Variants in TRPM1 observed in about 807,000 individuals in gnomAD.
TRPM1 encodes TRPM1-203 APA Isoform, Intron 10.
Under a neutral mutation model 149.4 loss-of-function variants are expected in TRPM1, and 113 were observed. That is an observed-to-expected ratio of 0.76 (90% CI 0.65 to 0.88). TRPM1 has a LOEUF of 0.88. TRPM1 is among the 40% of genes least tolerant of loss of function. TRPM1 has a pLI of 0.00. For missense variants in TRPM1, 1,976 were observed against 2,038.7 expected (o/e 0.97, Z 0.59); for synonymous variants, 741 against 759.5 (o/e 0.98, Z 0.40).
At chr15:31,068,166 G>T in intron 4 of TRPM1, 74 bp from the exon 5 acceptor site, 1 of 1,345,220 alleles carries the variant, frequency 7.4e-7, no homozygotes, top group Non-Finnish European at 1.1e-6. Context: ...TGAGGCTATT[G>T]CTCATGTCCA....
chr15:31,118,775 G>T (rs975473414), intron 1 of TRPM1, among the ~76,000 whole-genome samples: 2 of 151,968 alleles, frequency 1.3e-5, no homozygotes, highest in Non-Finnish European at 2.9e-5. Flanking sequence ...CTGGATCTCC[G>T]GTCTTTTCTG....
At chr15:31,108,159 A>AT (rs61687897) in intron 1 of TRPM1, among the ~76,000 whole-genome samples, 1 of 151,562 alleles carries the variant, frequency 6.6e-6, no homozygotes, top group Non-Finnish European at 1.5e-5. Flanking sequence ...CGCCTGTCCA[A>AT]TTTTTTTTTC....
At chr15:31,086,144 C>T (rs2034993868) in intron 1 of TRPM1, among the ~76,000 whole-genome samples, 1 of 152,220 alleles carries the variant, frequency 6.6e-6, no homozygotes, top group South Asian at 2.1e-4. Flanking sequence ...GCTAAGGCAT[C>T]TGCTGGACCT....
chr15:31,156,407 A>C (rs1315639934), intron 1 of TRPM1, among the ~76,000 whole-genome samples: 2 of 152,088 alleles, frequency 1.3e-5, no homozygotes, highest in Non-Finnish European at 2.9e-5. Context: ...AGACCTGAAC[A>C]GGAAACATTT....
At chr15:31,059,563 G>A (rs761445880) in intron 11 of TRPM1, among the ~76,000 whole-genome samples, 1 of 152,068 alleles carries the variant, frequency 6.6e-6, no homozygotes, top group Non-Finnish European at 1.5e-5. Context: ...GCACTCCCAT[G>A]CCTGGCTAAT....
intron 3 of TRPM1, 89 bp downstream of exon 3, chr15:31,076,815 TG>T: frequency 9.5e-7 from 1 of 1,047,812 alleles, no homozygotes; most frequent in Non-Finnish European, 1.5e-6. Context: ...GCCACCCTTC[TG>T]GACTCCTCTT....
exon 1 of TRPM1, chr15:31,161,068 G>T (rs911907646): frequency 1.8e-6 from 2 of 1,139,716 alleles, no homozygotes; most frequent in African/African-American, 1.5e-5. Flanking sequence ...CACACTCGGC[G>T]GCAGCCCCAC....
chr15:31,040,226 C>T lies in TRPM1; in HGVS notation c.2208G>A (p.Leu736=), dbSNP rs2033565532. Residue 736 remains leucine (L), a synonymous_variant, in exon 18 of 28, where the codon CTG becomes CTA. Transcript: ENST00000256552. The surrounding 1 kb of genome is among the most constrained non-coding windows in gnomAD (Gnocchi z 4.2). Reference sequence around the variant, plus strand: ...AGTCCCGGTGTTTGGCTGCCACGGCCAGTTTGAGGCAGGTCGAGTTGCTCC... The same window carrying T: ...AGTCCCGGTGTTTGGCTGCCACGGCTAGTTTGAGGCAGGTCGAGTTGCTCC... ...KNWSNSTCLK[L]AVAAKHRDFI... The T allele has an allele frequency of 6.2e-7, 1 of 1,614,148 alleles. No individual in the cohort carries two copies. Among genetic ancestry groups the T allele is most frequent in the Non-Finnish European group, 8.5e-7 (1 of 1,180,028 alleles).
chr15:31,070,210 A>T lies in TRPM1; in HGVS notation c.100T>A (p.Phe34Ile), dbSNP rs1156487256. 6.2e-7 allele frequency: 1 copy of T among 1,613,714 alleles called. No individual in the cohort carries two copies. Among genetic ancestry groups the T allele is most frequent in the Non-Finnish European group, 8.5e-7 (1 of 1,179,908 alleles). ...AGAGGGGGGATATGCTGGTTGGTGA[A>T]CTGGCCACAGCAACACCTGAAAACA... ...KDSNRCCCGQ[F>I]TNQHIPPLPS... The change falls in exon 4 of 28, where the codon TTC (phenylalanine) becomes ATC (isoleucine). Residue 34 changes from phenylalanine to isoleucine, a missense_variant. By Grantham distance (21) the Phe-to-Ile change is conservative (BLOSUM62 0). This residue lies in a region of TRPM1 where 1,332 missense variants were observed against 1,347.1 expected (regional missense o/e 0.99). Coordinates refer to ENST00000256552, the MANE Select transcript of TRPM1 (RefSeq NM_001252024.2).
chr15:31,102,618 T>G (rs1385811760), upstream of TRPM1, among the ~76,000 whole-genome samples: 2 of 152,174 alleles, frequency 1.3e-5, no homozygotes, highest in African/African-American at 2.4e-5. Flanking sequence ...GTTCTGCCCA[T>G]ATGTAGAGTC....
At position 31,111,606 on chromosome 15, in the gene TRPM1, A is replaced by G. The variant is rs537507311; in HGVS notation, c.55-34622T>C. ...TGAAAACAGGATCTTTGGGGACAAA[A>G]TGATGCTCCTGAGCCCCATGTAGGC... On this transcript the variant is annotated intron_variant, in intron 1 of 26. Transcript: ENST00000542188. Among the ~76,000 whole-genome samples, 3 of 152,316 alleles carry G rather than the reference A, an allele frequency of 2.0e-5. No homozygotes were observed. The South Asian group carries it at 6.2e-4, about 32-fold the overall frequency.
chr15:31,118,332 A>G (rs1370481507), intron 1 of TRPM1, among the ~76,000 whole-genome samples: 2 of 152,124 alleles, frequency 1.3e-5, no homozygotes, highest in Non-Finnish European at 2.9e-5. Context: ...GGGAGAAGAA[A>G]GAGGGAAAGG....
At chr15:31,160,721 T>C (rs1025352928) in intron 1 of TRPM1, among the ~76,000 whole-genome samples, 1 of 152,128 alleles carries the variant, frequency 6.6e-6, no homozygotes, top group Non-Finnish European at 1.5e-5. Context: ...GCAGGAAACA[T>C]AGGGCACCTT....
chr15:31,008,798 C>T (rs1335462699), intron 27 of TRPM1, among the ~76,000 whole-genome samples: 1 of 152,144 alleles, frequency 6.6e-6, no homozygotes, highest in Non-Finnish European at 1.5e-5. Context: ...TTTACCACTT[C>T]AATTTGAATG....
At chr15:31,114,411 C>T (rs949586865) in intron 1 of TRPM1, among the ~76,000 whole-genome samples, 2 of 152,138 alleles carry the variant, frequency 1.3e-5, no homozygotes, top group African/African-American at 4.8e-5. Context: ...TTTATCCAGT[C>T]TATTATTGAT....
At chr15:31,015,283 T>A (rs923736552) in intron 27 of TRPM1, among the ~76,000 whole-genome samples, 1 of 151,414 alleles carries the variant, frequency 6.6e-6, no homozygotes, top group Non-Finnish European at 1.5e-5. Flanking sequence ...CACGGTGGCA[T>A]GCGCCTGTAA....
At chr15:31,010,172 A>G (rs182560189) in intron 27 of TRPM1, among the ~76,000 whole-genome samples, 50 of 152,232 alleles carry the variant, frequency 3.3e-4, no homozygotes, top group Admixed American at 2.5e-3. Flanking sequence ...GAGAATGTTG[A>G]TTTGTTTTGT....
chr15:31,161,061 A>C, exon 1 of TRPM1: 1 of 1,176,606 alleles, frequency 8.5e-7, no homozygotes, highest in Non-Finnish European at 1.2e-6. Context: ...GGAGCCACAC[A>C]CTCGGCGGCA....
chr15:31,037,073 C>A (rs921217794), intron 20 of TRPM1, among the ~76,000 whole-genome samples: 18 of 152,204 alleles, frequency 1.2e-4, no homozygotes, highest in Non-Finnish European at 1.5e-5. Flanking sequence ...CCTGGCCACC[C>A]CCACTGGGAC....
Sources: gnomAD v4.1 joint callset for allele counts (sites outside exome capture counted in the v4.1 genomes callset) on GRCh38, gnomAD v4.1.1 for gene constraint, gnomAD v4.1.1 regional missense constraint, Gnocchi (gnomAD v3.1) non-coding constraint, MANE v1.5 for transcripts, NCBI Gene and HGNC (gene_info 2026-07-23, HGNC 2026-07-21) for gene names.